ZFR2: variants seen among roughly 807,000 people sequenced by gnomAD.
ZFR2 encodes zinc finger RNA binding protein 2.
Under a neutral mutation model 105.7 loss-of-function variants are expected in ZFR2, and 104 were observed. The ratio of observed to expected loss-of-function variants is 0.98; its 90% CI spans 0.84 to 1.16. ZFR2 has a LOEUF of 1.16. ZFR2 is among the 50% of genes most tolerant of loss of function. The pLI is 0.00. For missense variants in ZFR2, 1,425 were observed against 1,355.5 expected (o/e 1.05, Z -0.80); for synonymous variants, 634 against 597.7 (o/e 1.06, Z -0.89).
At chr19:3,861,212 C>T (rs1054204715) in intron 1 of ZFR2, among the ~76,000 whole-genome samples, 2 of 152,160 alleles carry the variant, frequency 1.3e-5, no homozygotes, top group Non-Finnish European at 2.9e-5. Flanking sequence ...GCAAATGGAA[C>T]TTACCTTAGG....
chr19:3,845,886 A>G (rs771190253), intron 1 of ZFR2, among the ~76,000 whole-genome samples: 1 of 152,232 alleles, frequency 6.6e-6, no homozygotes, highest in Non-Finnish European at 1.5e-5. Flanking sequence ...TAGGACTTCA[A>G]CACAGGAAGG....
chr19:3,811,192 G>T, intron 15 of ZFR2, 80 bp downstream of exon 15: 2 of 1,372,848 alleles, frequency 1.5e-6, no homozygotes, highest in Non-Finnish European at 9.7e-7. Flanking sequence ...TGAGGCGGCC[G>T]CGCCGGGTTG....
At position 3,811,354 on chromosome 19, in the gene ZFR2, G is replaced by A. The variant is rs1415195293; in HGVS notation, c.2255C>T (p.Pro752Leu). ...CAGGACATCACCTGCATCAGCCTGA[G>A]GCTCCTCCACACCTTCTAGAAGAAA... ...DPSTDPGVEE[P>L]QADAGDVLSP... Residue 752 changes from proline to leucine, a missense_variant, in exon 15 of 19, where the codon CCT (proline) becomes CTT (leucine). Transcript: ENST00000262961. 4 of 1,596,310 alleles carry A rather than the reference G, an allele frequency of 2.5e-6. No homozygotes were observed. In the South Asian group the frequency reaches 3.4e-5, roughly 14 times the overall value.
At position 3,834,259 on chromosome 19, in the gene ZFR2, G is replaced by A. The variant is rs1451922532; in HGVS notation, c.265-481C>T. Among the ~76,000 whole-genome samples the A allele has an allele frequency of 6.6e-6, 1 of 152,196 alleles. No homozygotes were observed. The highest frequency in any genetic ancestry group is 1.5e-5 in the Non-Finnish European group (1 of 68,030). On this transcript the variant is annotated intron_variant, in intron 2 of 18. Coordinates refer to ENST00000262961, the MANE Select transcript of ZFR2 (RefSeq NM_015174.2). This position sits in a 1 kb window ranked among gnomAD's most constrained non-coding sequence, Gnocchi z 5.3. Reference sequence around the variant, plus strand: ...ACGGGGGACATCTTTGCGACACCAAGTGGGAACACGGTGGCTGGATCTGCA... The same window carrying A: ...ACGGGGGACATCTTTGCGACACCAAATGGGAACACGGTGGCTGGATCTGCA...
In ZFR2 at chr19:3,816,639, G is replaced by A. The variant is rs374084001; in HGVS notation, c.2103+35C>T. 31 of 1,574,750 alleles carry A rather than the reference G, an allele frequency of 2.0e-5. No homozygotes were observed. In the Admixed American group the frequency reaches 2.6e-4, roughly 13 times the overall value. ...GCGGGGAGAGGGCTGGCAGCCAGAC[G>A]CCAGAAGCAGCGATGAGCAGGGCCC... On this transcript the variant is annotated intron_variant, in intron 13 of 18. Coordinates refer to ENST00000262961, the MANE Select transcript of ZFR2 (RefSeq NM_015174.2).
rs11666935 is a variant in ZFR2, at chr19:3,859,057, T to A, written c.53+9908A>T. On this transcript the variant is annotated intron_variant, in intron 1 of 18. Transcript: ENST00000262961. The stretch of plus-strand genomic sequence containing the variant: ...GGGTGTTGCCAAAGGAGAGTGACAT[T>A]TGAGCCGGTGGACAGGGAGAGGCAG... 5.4e-3 allele frequency among the ~76,000 whole-genome samples: 828 copies of A among 152,126 alleles called. 3 individuals carry two copies. The highest frequency in any genetic ancestry group is 9.2e-3 in the Non-Finnish European group (625 of 67,994).
chr19:3,833,403 C>T (rs1215666428), intron 3 of ZFR2: 25 of 334,150 alleles, frequency 7.5e-5, no homozygotes, highest in South Asian at 1.7e-4. Context: ...TGTGAAACCC[C>T]GTCTCTACTA....
chr19:3,851,956 G>A, intron 1 of ZFR2: 1 of 204,318 alleles, frequency 4.9e-6, no homozygotes, highest in Non-Finnish European at 1.0e-5. Flanking sequence ...TTACTATGTG[G>A]CTTTTTACAG....
At chr19:3,824,873 G>T (rs948823812) in intron 7 of ZFR2, among the ~76,000 whole-genome samples, 4 of 152,180 alleles carry the variant, frequency 2.6e-5, no homozygotes, top group South Asian at 2.1e-4. Flanking sequence ...GGAGGCAGAG[G>T]TTGCAGTGAG....
intron 1 of ZFR2, among the ~76,000 whole-genome samples, chr19:3,849,409 G>A (rs1442623119): frequency 6.6e-6 from 1 of 152,196 alleles, no homozygotes; most frequent in East Asian, 1.9e-4. Context: ...AGAGGGCAGA[G>A]CTTTCCAACT....
chr19:3,851,974 C>T (rs965471148), intron 1 of ZFR2: 2 of 213,254 alleles, frequency 9.4e-6, no homozygotes, highest in African/African-American at 4.7e-5. Context: ...CAGAAAAGGT[C>T]CGCTGACCTC....
chr19:3,807,142 G>A (rs1303507478), intron 18 of ZFR2, 30 bp downstream of exon 18: 10 of 1,515,794 alleles, frequency 6.6e-6, no homozygotes, highest in Middle Eastern at 3.4e-4. Flanking sequence ...GGGCCTGGGT[G>A]TCACCCTTGC....
chr19:3,821,511 G>A, intron 9 of ZFR2, 32 bp from the exon 10 acceptor site: 6 of 1,545,332 alleles, frequency 3.9e-6, no homozygotes, highest in Non-Finnish European at 5.3e-6. Context: ...CTGAGAGTAG[G>A]GACCTTGCTT....
At chr19:3,864,465 C>T (rs945845100) in intron 1 of ZFR2, among the ~76,000 whole-genome samples, 2 of 152,208 alleles carry the variant, frequency 1.3e-5, no homozygotes, top group Non-Finnish European at 2.9e-5. Context: ...AGTCTTCTAA[C>T]TCAGATTTAA....
chr19:3,811,455 CG>C, intron 14 of ZFR2, 89 bp from the exon 15 acceptor site: 1 of 1,219,584 alleles, frequency 8.2e-7, no homozygotes, highest in Non-Finnish European at 1.1e-6. Context: ...TTGGGCCCCT[CG>C]ACGCTTTTTT....
At chr19:3,864,248 G>A (rs184642790) in intron 1 of ZFR2, among the ~76,000 whole-genome samples, 37 of 152,080 alleles carry the variant, frequency 2.4e-4, no homozygotes, top group Admixed American at 1.5e-3. Flanking sequence ...ATGGTGGTGC[G>A]CACCTGTCGT....
Position 3,811,349 on chromosome 19 carries a change from C to A in ZFR2, c.2260G>T (p.Ala754Ser). ...STDPGVEEPQADAGDVLSPKK... is the reference protein window; with the variant it reads ...STDPGVEEPQSDAGDVLSPKK... ...GGGCTCAGGACATCACCTGCATCAG[C>A]CTGAGGCTCCTCCACACCTTCTAGA... Residue 754 changes from alanine to serine, a missense_variant, in exon 15 of 19, where the codon GCT becomes TCT. By Grantham distance (99) the Ala-to-Ser change is moderately conservative. Transcript: ENST00000262961. The A allele has an allele frequency of 6.3e-7, 1 of 1,597,958 alleles. No individual in the cohort carries two copies. Among genetic ancestry groups the A allele is most frequent in the African/African-American group, 1.3e-5 (1 of 74,718 alleles).
Position 3,807,169 on chromosome 19 carries a change from T to C in ZFR2, c.2643+3A>G, listed in dbSNP as rs1466210273. The C allele has an allele frequency of 3.2e-6, 5 of 1,551,722 alleles. No individual in the cohort carries two copies. Among genetic ancestry groups the C allele is most frequent in the Non-Finnish European group, 2.6e-6 (3 of 1,146,872 alleles). ...CACCCTTGCCGTGACTTGACCCTCC[T>C]ACCTGGGCGCTGGCGGTCACGTCTT... On this transcript the variant is annotated splice_donor_region_variant and intron_variant, in intron 18 of 18. Coordinates refer to ENST00000262961, the MANE Select transcript of ZFR2 (RefSeq NM_015174.2).
At chr19:3,859,236 T>G (rs1269101467) in intron 1 of ZFR2, among the ~76,000 whole-genome samples, 1 of 152,178 alleles carries the variant, frequency 6.6e-6, no homozygotes, top group East Asian at 1.9e-4. Context: ...AACATCAGAC[T>G]CCAAGTTCTT....
Sources: allele counts gnomAD v4.1 joint callset (sites outside exome capture counted in the v4.1 genomes callset), GRCh38; gene constraint gnomAD v4.1.1; non-coding constraint Gnocchi (gnomAD v3.1); transcripts MANE v1.5; gene names NCBI Gene and HGNC (gene_info 2026-07-23, HGNC 2026-07-21).